STAU2: variants seen among roughly 807,000 people sequenced by gnomAD.
STAU2 encodes the protein double-stranded RNA-binding protein Staufen homolog 2.
In STAU2, 20 loss-of-function variants were observed where a neutral mutation model predicts 65.9. The ratio of observed to expected loss-of-function variants is 0.30; its 90% confidence interval spans 0.21 to 0.44. The LOEUF is 0.44. Ranked by LOEUF, STAU2 falls within the 20% of genes least tolerant of loss-of-function variation. The pLI is 1.00. For synonymous variants in STAU2, 232 were observed against 233.9 expected (o/e 0.99, Z 0.07); for missense variants, 558 against 683.9 (o/e 0.82, Z 2.05).
In STAU2 at chr8:73,441,877, C is replaced by T. The variant is rs549604863; in HGVS notation, c.1531-19175G>A. On this transcript the variant is annotated intron_variant, in intron 13 of 14. Transcript: ENST00000524300. ...ACTTGTTTTATGTCAATTATATTAT[C>T]ACAACTTTGGAAGAAACTTTATTAG... Among the ~76,000 whole-genome samples the T allele has an allele frequency of 1.1e-4, 16 of 152,286 alleles. No individual in the cohort carries two copies. In the South Asian group the frequency reaches 3.1e-3, roughly 30 times the overall value.
chr8:73,609,351 GA>G (rs201187418), intron 9 of STAU2, among the ~76,000 whole-genome samples: 2 of 149,640 alleles, frequency 1.3e-5, no homozygotes, highest in African/African-American at 2.4e-5. Flanking sequence ...CTTATATCCT[GA>G]AAAAAAAAAT....
intron 13 of STAU2, among the ~76,000 whole-genome samples, chr8:73,473,657 C>G (rs369588083): frequency 6.6e-6 from 1 of 152,172 alleles, no homozygotes; most frequent in African/African-American, 2.4e-5. Flanking sequence ...GAGAGAGAAA[C>G]GGCCAGAGGC....
rs1485280769 is a variant in STAU2, at chr8:73,432,527, ACT to A, written c.1531-9827_1531-9826del. Among the ~76,000 whole-genome samples, 7 of 152,348 alleles carry A rather than the reference ACT, an allele frequency of 4.6e-5. No individual in the cohort carries two copies. In the South Asian group the frequency reaches 6.2e-4, roughly 14 times the overall value. ...TTCTTTGAAAGGTCTGTAATTAAATACTGTGTCTCTTTTTATATAAAATAAGA... is the reference window on the plus strand; with the variant it reads ...TTCTTTGAAAGGTCTGTAATTAAATAGTGTCTCTTTTTATATAAAATAAGA... On this transcript the variant is annotated intron_variant, in intron 13 of 14. Coordinates refer to ENST00000524300, the MANE Select transcript of STAU2 (RefSeq NM_001164380.2).
At chr8:73,487,450 C>G (rs1440681567) in intron 13 of STAU2, among the ~76,000 whole-genome samples, 1 of 152,096 alleles carries the variant, frequency 6.6e-6, no homozygotes, top group Non-Finnish European at 1.5e-5. Context: ...GGCTCCCAAA[C>G]ATTGCAATGA....
intron 9 of STAU2, among the ~76,000 whole-genome samples, chr8:73,613,056 CTATATTCT>C (rs1331458904): frequency 2.0e-5 from 3 of 152,176 alleles, no homozygotes; most frequent in African/African-American, 7.2e-5. Flanking sequence ...GCTGTGTGCT[CTATATTCT>C]TCTTTGGCAA....
intron 6 of STAU2, among the ~76,000 whole-genome samples, chr8:73,620,625 G>A (rs1041955545): frequency 6.6e-6 from 1 of 152,138 alleles, no homozygotes. Flanking sequence ...CAATGTATGT[G>A]TATGTGCATG....
In STAU2 at chr8:73,434,234, TCAA is replaced by T. The variant is rs1420016550; in HGVS notation, c.1531-11535_1531-11533del. On this transcript the variant is annotated intron_variant, in intron 13 of 14. Transcript: ENST00000524300. ...CTAGAGGCCACTCACATTCCTTGAC[TCAA>T]CACAAGGAATGTGAGTGGCCGGCCT... Among the ~76,000 whole-genome samples, 20 of 118,794 alleles carry T rather than the reference TCAA, an allele frequency of 1.7e-4. 1 individual carries two copies. Among genetic ancestry groups the T allele is most frequent in the Admixed American group, 6.4e-4 (7 of 11,016 alleles). The allele number at this position is 118,794 out of a possible 152,430, so 77.9% of individuals were successfully genotyped here. A position where few individuals can be genotyped will look rare whatever the true frequency, so the allele number is the denominator to read the frequency against.
intron 12 of STAU2, among the ~76,000 whole-genome samples, chr8:73,552,785 A>G (rs1302394347): frequency 6.6e-6 from 1 of 152,206 alleles, no homozygotes; most frequent in Non-Finnish European, 1.5e-5. Flanking sequence ...CATGTATTCA[A>G]CAGCCTAGTG....
At chr8:73,480,528 A>G (rs1820552234) in intron 13 of STAU2, among the ~76,000 whole-genome samples, 1 of 152,146 alleles carries the variant, frequency 6.6e-6, no homozygotes, top group Non-Finnish European at 1.5e-5. Context: ...TGTGCAGAAA[A>G]CACATGGAGA....
intron 6 of STAU2, among the ~76,000 whole-genome samples, chr8:73,635,055 T>C (rs28460068): frequency 0.083 from 12,672 of 152,274 alleles, 599 homozygotes; most frequent in Middle Eastern, 0.15. Flanking sequence ...TGTATAAAGA[T>C]ACATTCTGCA....
chr8:73,524,229 G>GTGTA (rs1368812010), intron 13 of STAU2, among the ~76,000 whole-genome samples: 7 of 152,274 alleles, frequency 4.6e-5, no homozygotes, highest in Non-Finnish European at 1.0e-4. Flanking sequence ...CTGGGACAAG[G>GTGTA]TGTAGCATGT....
intron 13 of STAU2, among the ~76,000 whole-genome samples, chr8:73,528,166 C>T (rs1805568498): frequency 6.6e-6 from 1 of 152,116 alleles, no homozygotes; most frequent in African/African-American, 2.4e-5. Flanking sequence ...ACTTTGTCAA[C>T]CTGAATTTTC....
intron 4 of STAU2, among the ~76,000 whole-genome samples, chr8:73,695,230 G>T (rs1384554846): frequency 1.3e-5 from 2 of 152,082 alleles, no homozygotes; most frequent in Admixed American, 1.3e-4. Flanking sequence ...AGAGGAGAGT[G>T]AAGAAAAAAG....
intron 13 of STAU2, among the ~76,000 whole-genome samples, chr8:73,502,747 GTGTTGT>G (rs536993463): frequency 1.3e-5 from 2 of 151,852 alleles, no homozygotes; most frequent in African/African-American, 4.8e-5. Flanking sequence ...GGCCAGTTAT[GTGTTGT>G]TGTTGTTGTT....
chr8:73,425,770 C>T (rs1437118294), intron 13 of STAU2, among the ~76,000 whole-genome samples: 1 of 152,080 alleles, frequency 6.6e-6, no homozygotes, highest in Admixed American at 6.6e-5. Flanking sequence ...TCTTGGCGCA[C>T]GTCTTTCCAT....
intron 8 of STAU2, among the ~76,000 whole-genome samples, chr8:73,615,040 T>A (rs1436649413): frequency 6.6e-6 from 1 of 152,176 alleles, no homozygotes; most frequent in Non-Finnish European, 1.5e-5. Flanking sequence ...GAGGGAAGAA[T>A]CTCCACAACT....
intron 13 of STAU2, among the ~76,000 whole-genome samples, chr8:73,473,310 C>T (rs1820135568): frequency 6.6e-6 from 1 of 152,112 alleles, no homozygotes; most frequent in Admixed American, 6.6e-5. Flanking sequence ...GGAAAATACG[C>T]CTAAGACTCT....
chr8:73,616,120 T>G (rs1433674109), intron 7 of STAU2, among the ~76,000 whole-genome samples: 1 of 152,094 alleles, frequency 6.6e-6, no homozygotes, highest in South Asian at 2.1e-4. Context: ...CACCCAGGAA[T>G]TCCCCCACTG....
intron 6 of STAU2, among the ~76,000 whole-genome samples, chr8:73,654,120 C>G (rs1279284474): frequency 1.3e-5 from 2 of 151,962 alleles, no homozygotes; most frequent in Non-Finnish European, 2.9e-5. Flanking sequence ...TATATTAAGC[C>G]TGTGACTCAA....
Sources: gnomAD v4.1 joint callset for allele counts (sites outside exome capture counted in the v4.1 genomes callset) on GRCh38, gnomAD v4.1.1 for gene constraint, MANE v1.5 for transcripts, NCBI Gene and HGNC (gene_info 2026-07-23, HGNC 2026-07-21) for gene names.